AGBL4: variants seen among roughly 807,000 people sequenced by gnomAD.
The protein encoded by AGBL4 is AGBL carboxypeptidase 4, also known as cytosolic carboxypeptidase 6.
In AGBL4, 58 loss-of-function variants were observed where a neutral mutation model predicts 66.4. The ratio of observed to expected loss-of-function variants is 0.87; its 90% CI spans 0.71 to 1.09. The LOEUF (loss-of-function observed/expected upper bound fraction) is 1.09. Among genes scored for constraint, AGBL4 ranks in the 50% least tolerant of loss-of-function variants. The probability of loss-of-function intolerance (pLI) is 0.00; values close to 1 mark genes in which losing one functional copy is unlikely to be tolerated. For missense variants in AGBL4, 579 were observed against 631.0 expected, an observed-to-expected ratio of 0.92 and a Z score of 0.88; for synonymous variants, 234 against 222.9, an observed-to-expected ratio of 1.05 and a Z score of -0.44.
chr1:48,854,758 G>C (rs1314693271), intron 6 of AGBL4, among the ~76,000 whole-genome samples: 1 of 152,172 alleles, frequency 6.6e-6, no homozygotes, highest in Non-Finnish European at 1.5e-5. Context: ...AGAATGAGAA[G>C]TGATAAAAAA....
At chr1:49,233,514 C>T (rs1008431808) in intron 4 of AGBL4, among the ~76,000 whole-genome samples, 2 of 152,162 alleles carry the variant, frequency 1.3e-5, no homozygotes, top group African/African-American at 4.8e-5. Flanking sequence ...GGCTCTATGA[C>T]TCCAAAGTCA....
chr1:49,084,680 A>G (rs1177162933), intron 4 of AGBL4, among the ~76,000 whole-genome samples: 1 of 152,204 alleles, frequency 6.6e-6, no homozygotes, highest in African/African-American at 2.4e-5. Flanking sequence ...GTTTTTCAAG[A>G]TAACAGAGCA....
At chr1:49,409,597 A>G (rs777810691) in intron 3 of AGBL4, among the ~76,000 whole-genome samples, 36 of 152,336 alleles carry the variant, frequency 2.4e-4, no homozygotes, top group Admixed American at 6.5e-4. Flanking sequence ...CAGAAGTCAG[A>G]TAGGGCTTCA....
intron 6 of AGBL4, among the ~76,000 whole-genome samples, chr1:48,753,144 G>C (rs1045156984): frequency 6.6e-6 from 1 of 152,196 alleles, no homozygotes; most frequent in African/African-American, 2.4e-5. Context: ...TAACTTGCCC[G>C]AGGCAACAAA....
chr1:49,428,589 T>C (rs1175073208), intron 3 of AGBL4, among the ~76,000 whole-genome samples: 1 of 152,260 alleles, frequency 6.6e-6, no homozygotes, highest in Non-Finnish European at 1.5e-5. Flanking sequence ...AGGAGGTTTC[T>C]GAATCTTCCA....
chr1:49,247,050 T>C (rs1403183565), intron 3 of AGBL4, among the ~76,000 whole-genome samples: 1 of 152,076 alleles, frequency 6.6e-6, no homozygotes, highest in Non-Finnish European at 1.5e-5. Context: ...AGAGGTTACC[T>C]AACTTGATTG....
chr1:49,985,029 AC>A (rs1659382444), intron 1 of AGBL4, among the ~76,000 whole-genome samples: 2 of 152,186 alleles, frequency 1.3e-5, no homozygotes, highest in Non-Finnish European at 2.9e-5. Flanking sequence ...CTATCTTTCA[AC>A]CAGCACTTCT....
At chr1:49,285,140 T>C (rs1242220363) in intron 3 of AGBL4, among the ~76,000 whole-genome samples, 2 of 151,966 alleles carry the variant, frequency 1.3e-5, no homozygotes, top group Non-Finnish European at 2.9e-5. Context: ...CCTCAGCAAA[T>C]GTAAAAGAAC....
rs576154874 is a variant in AGBL4, at chr1:48,563,085, CT to C, written c.1268-23348del. 3.9e-5 allele frequency among the ~76,000 whole-genome samples: 6 copies of C among 152,308 alleles called. No individual in the cohort carries two copies. The East Asian group carries it at 1.2e-3, about 29-fold the overall frequency. On this transcript the variant is annotated intron_variant, in intron 11 of 13. Transcript: ENST00000371839. ...ACAAGACACTTTCTTAGAATAACCCCTTTGCCTGCCCCAATATCTTTGGCTG... is the reference window on the plus strand; with the variant it reads ...ACAAGACACTTTCTTAGAATAACCCCTTGCCTGCCCCAATATCTTTGGCTG...
At chr1:49,642,960 C>T (rs1183778468) in intron 3 of AGBL4, among the ~76,000 whole-genome samples, 1 of 151,818 alleles carries the variant, frequency 6.6e-6, no homozygotes, top group African/African-American at 2.4e-5. Context: ...AAAATACTAC[C>T]CACAGTGAGG....
intron 4 of AGBL4, among the ~76,000 whole-genome samples, chr1:49,234,210 T>G (rs1328243239): frequency 1.3e-5 from 2 of 152,168 alleles, no homozygotes; most frequent in Admixed American, 1.3e-4. Context: ...AGGCAGGCAC[T>G]GGGACACGAA....
intron 3 of AGBL4, among the ~76,000 whole-genome samples, chr1:49,279,464 GAAAC>G (rs962604769): frequency 6.6e-6 from 1 of 152,062 alleles, no homozygotes; most frequent in African/African-American, 2.4e-5. Context: ...GTGGATTTTG[GAAAC>G]AAACAGAGAA....
intron 3 of AGBL4, among the ~76,000 whole-genome samples, chr1:49,329,350 A>G (rs1645285338): frequency 1.3e-5 from 2 of 151,954 alleles, no homozygotes. Flanking sequence ...TCTAAGCTAC[A>G]GCTCTCCCAA....
At chr1:48,651,560 G>A (rs1364413939) in intron 8 of AGBL4, among the ~76,000 whole-genome samples, 1 of 152,182 alleles carries the variant, frequency 6.6e-6, no homozygotes, top group Non-Finnish European at 1.5e-5. Context: ...ATGGAAGGTG[G>A]AAAAGCATCA....
chr1:49,607,389 G>T (rs780433907), intron 3 of AGBL4, among the ~76,000 whole-genome samples: 2 of 152,090 alleles, frequency 1.3e-5, no homozygotes, highest in African/African-American at 2.4e-5. Flanking sequence ...TTTCTTAAAT[G>T]ATTCATTTGA....
intron 4 of AGBL4, among the ~76,000 whole-genome samples, chr1:49,201,194 T>C (rs1406467024): frequency 6.6e-6 from 1 of 152,152 alleles, no homozygotes; most frequent in Non-Finnish European, 1.5e-5. Context: ...CCCCTTCCCA[T>C]TTTCCTTGGA....
rs150575783 is a variant in AGBL4, at chr1:50,004,863, C to T, written c.34+18900G>A. 5.3e-3 allele frequency among the ~76,000 whole-genome samples: 810 copies of T among 152,116 alleles called. 6 individuals carry two copies. The highest frequency in any genetic ancestry group is 0.017 in the Middle Eastern group (5 of 294). On this transcript the variant is annotated intron_variant, in intron 1 of 13. Transcript: ENST00000371839. ...CTGTGGTGGCTACAGGGAGGGACTC[C>T]TTCTACTTGAGAAAAGGAGAGGGAA...
chr1:48,561,853 C>T (rs576179154), intron 11 of AGBL4, among the ~76,000 whole-genome samples: 5 of 152,200 alleles, frequency 3.3e-5, no homozygotes, highest in Admixed American at 6.5e-5. Flanking sequence ...ATCAGCTCTC[C>T]TGGGACTTCA....
intron 3 of AGBL4, among the ~76,000 whole-genome samples, chr1:49,374,045 G>C (rs1644422218): frequency 6.6e-6 from 1 of 151,918 alleles, no homozygotes; most frequent in South Asian, 2.1e-4. Context: ...ATCTGATATT[G>C]AGTACTACCA....
Sources: allele counts gnomAD v4.1 joint callset (sites outside exome capture counted in the v4.1 genomes callset), GRCh38; gene constraint gnomAD v4.1.1; transcripts MANE v1.5; gene names NCBI Gene and HGNC (gene_info 2026-07-23, HGNC 2026-07-21).